The following NCAM1 variants were observed in gnomAD, a reference collection of about 807,000 sequenced individuals.
NCAM1 encodes neural cell adhesion molecule 1.
A neutral mutation model predicts 109.8 loss-of-function variants in NCAM1; 14 were observed. The ratio of observed to expected loss-of-function variants is 0.13; its 90% CI spans 0.08 to 0.20. The LOEUF is 0.20. Ranked by LOEUF, NCAM1 falls within the 10% of genes least tolerant of loss-of-function variation. NCAM1 has a pLI of 1.00. For missense variants in NCAM1, 774 were observed against 1,109.9 expected (o/e 0.70, Z 4.30); for synonymous variants, 418 against 442.9 (o/e 0.94, Z 0.70).
rs575349678 is a variant in NCAM1 at position 113,274,720 on chromosome 11, C to T, written c.2457-547C>T. On this transcript the variant is annotated intron_variant, in intron 19 of 19. Transcript: ENST00000316851. The surrounding 1 kb of genome is among the most constrained non-coding windows in gnomAD (Gnocchi z 4.1). ...CTGCCTCCATCAGTGTTTTCTCACCCTACCCAGGCAGGCCCTAGAGGCATC... is the reference window on the plus strand; with the variant it reads ...CTGCCTCCATCAGTGTTTTCTCACCTTACCCAGGCAGGCCCTAGAGGCATC... Among the ~76,000 whole-genome samples the T allele has an allele frequency of 6.6e-6, 1 of 152,358 alleles. No homozygotes were observed. The highest frequency in any genetic ancestry group is 1.9e-4 in the East Asian group (1 of 5,182).
chr11:113,024,185 G>A (rs1356103341), intron 1 of NCAM1, among the ~76,000 whole-genome samples: 2 of 152,178 alleles, frequency 1.3e-5, no homozygotes, highest in Non-Finnish European at 2.9e-5. Flanking sequence ...GTCTCTTACA[G>A]AAGTGTGGCT....
intron 1 of NCAM1, among the ~76,000 whole-genome samples, chr11:113,068,773 A>C (rs1938109116): frequency 6.6e-6 from 1 of 152,102 alleles, no homozygotes; most frequent in Non-Finnish European, 1.5e-5. Context: ...TGGGGTTTTG[A>C]TGATTTGGTC....
intron 1 of NCAM1, among the ~76,000 whole-genome samples, chr11:113,020,641 G>C (rs1303457119): frequency 6.6e-6 from 1 of 152,152 alleles, no homozygotes; most frequent in Admixed American, 6.5e-5. Flanking sequence ...AGGAGATATA[G>C]GGACATATCT....
Position 113,188,439 on chromosome 11 carries a change from A to G in NCAM1, c.53-13940A>G, listed in dbSNP as rs187980448. Among the ~76,000 whole-genome samples, 121 of 152,338 alleles carry G rather than the reference A, an allele frequency of 7.9e-4. 1 individual carries two copies. In the Middle Eastern group the frequency reaches 0.017, roughly 21 times the overall value. ...GTCTGAAGCATTAGAGCCATTCAGC[A>G]TGGAGTTTGTTTGGGGAAGTTTCTT... On this transcript the variant is annotated intron_variant, in intron 1 of 19. Transcript: ENST00000316851.
chr11:113,021,003 C>G (rs1010645786), intron 1 of NCAM1, among the ~76,000 whole-genome samples: 5 of 152,088 alleles, frequency 3.3e-5, no homozygotes, highest in Admixed American at 3.3e-4. Flanking sequence ...GTGATCTGCC[C>G]CCATCGGCCT....
At chr11:113,092,021 A>G (rs1316612480) in intron 1 of NCAM1, among the ~76,000 whole-genome samples, 3 of 151,446 alleles carry the variant, frequency 2.0e-5, no homozygotes, top group Admixed American at 6.6e-5. Flanking sequence ...AGGCAGCAAG[A>G]TTTATTTCCA....
At chr11:113,101,642 A>C (rs1939880452) in intron 1 of NCAM1, among the ~76,000 whole-genome samples, 1 of 152,210 alleles carries the variant, frequency 6.6e-6, no homozygotes, top group Non-Finnish European at 1.5e-5. Flanking sequence ...TATGTATCAA[A>C]GAAGTAAGAT....
chr11:113,231,432 G>A (rs556475584), intron 9 of NCAM1: 13 of 964,340 alleles, frequency 1.3e-5, no homozygotes, highest in South Asian at 3.2e-5. Flanking sequence ...TTTCTGTTTC[G>A]GATACTCCCA....
At position 113,195,323 on chromosome 11, in the gene NCAM1, C is replaced by T. The variant is rs1038324582; in HGVS notation, c.53-7056C>T. Among the ~76,000 whole-genome samples the T allele has an allele frequency of 3.3e-5, 5 of 152,064 alleles. No homozygotes were observed. The East Asian group carries it at 9.6e-4, about 29-fold the overall frequency. On this transcript the variant is annotated intron_variant, in intron 1 of 19. Coordinates refer to ENST00000316851, the MANE Select transcript of NCAM1 (RefSeq NM_181351.5). ...GGTTCTTCTCTGCCAAAACGAGATA[C>T]ATTTACTTATGTCCAGCTATTTCTT...
intron 7 of NCAM1, among the ~76,000 whole-genome samples, chr11:113,208,405 T>C (rs781807118): frequency 6.6e-6 from 1 of 152,144 alleles, no homozygotes; most frequent in African/African-American, 2.4e-5. Flanking sequence ...TTCTTTCGCT[T>C]TGCTGCACAT....
intron 1 of NCAM1, among the ~76,000 whole-genome samples, chr11:113,090,659 T>A (rs1263090123): frequency 1.3e-5 from 2 of 152,212 alleles, no homozygotes; most frequent in Admixed American, 1.3e-4. Context: ...ATAGCCCAAG[T>A]ATGCTAGAGG....
chr11:113,115,180 A>C (rs1555094605), intron 1 of NCAM1, among the ~76,000 whole-genome samples: 2 of 152,182 alleles, frequency 1.3e-5, no homozygotes, highest in African/African-American at 4.8e-5. Context: ...TTGCCCCACC[A>C]ACCAGCTGAA....
intron 1 of NCAM1, among the ~76,000 whole-genome samples, chr11:113,024,162 G>A (rs902966851): frequency 6.6e-6 from 1 of 152,170 alleles, no homozygotes; most frequent in Non-Finnish European, 1.5e-5. Flanking sequence ...GAATCTACTA[G>A]CAACAACCTC....
At chr11:113,236,171 T>C in intron 14 of NCAM1, 1 of 895,658 alleles carries the variant, frequency 1.1e-6, no homozygotes, top group Non-Finnish European at 1.7e-6. Context: ...TTGAAGTAAT[T>C]TGATAATTTG....
At chr11:113,268,237 C>T (rs1371868531) in intron 17 of NCAM1, among the ~76,000 whole-genome samples, 2 of 152,216 alleles carry the variant, frequency 1.3e-5, no homozygotes, top group African/African-American at 4.8e-5. Flanking sequence ...ATGAGACTAA[C>T]CAGAAATACC....
At chr11:112,972,163 G>A (rs1472871572) in intron 1 of NCAM1, among the ~76,000 whole-genome samples, 1 of 152,122 alleles carries the variant, frequency 6.6e-6, no homozygotes, top group Non-Finnish European at 1.5e-5. Context: ...TTTGAAGGAA[G>A]AATTTATCTC....
intron 1 of NCAM1, among the ~76,000 whole-genome samples, chr11:112,992,352 T>C (rs1555070695): frequency 1.3e-5 from 2 of 152,182 alleles, no homozygotes; most frequent in Non-Finnish European, 1.5e-5. Flanking sequence ...GCTTGCATAT[T>C]GCTAAATAAT....
At chr11:113,199,829 T>TGGAAAAAAAAAAAAAAAAAAA (rs60389510) in intron 1 of NCAM1, among the ~76,000 whole-genome samples, 4 of 115,768 alleles carry the variant, frequency 3.5e-5, no homozygotes, top group African/African-American at 1.4e-4. Context: ...GAAACACCCT[T>TGGAAAAAAAAAAAAAAAAAAA]AAAAAAAAAA....
intron 17 of NCAM1, among the ~76,000 whole-genome samples, chr11:113,268,755 A>T (rs1946197692): frequency 6.6e-6 from 1 of 152,132 alleles, no homozygotes. Flanking sequence ...ACTCAGTTAC[A>T]TGTTCCCTCC....
Sources: allele counts gnomAD v4.1 joint callset (sites outside exome capture counted in the v4.1 genomes callset), GRCh38; gene constraint gnomAD v4.1.1; non-coding constraint Gnocchi (gnomAD v3.1); transcripts MANE v1.5; gene names NCBI Gene and HGNC (gene_info 2026-07-23, HGNC 2026-07-21).